Variants in ARL15 observed in about 807,000 individuals in gnomAD.
ARL15 encodes ADP-ribosylation factor-like protein 15.
In ARL15, 19 loss-of-function variants were observed where a neutral mutation model predicts 25.2. The observed-to-expected ratio is 0.75, with a 90% CI of 0.53 to 1.10. The LOEUF is 1.10. ARL15 is among the 50% of genes least tolerant of loss of function. The pLI, the probability that ARL15 is intolerant of heterozygous loss-of-function variation, is 0.00. For synonymous variants in ARL15, 94 were observed against 86.8 expected, an observed-to-expected ratio of 1.08 and a Z score of -0.46; for missense variants, 220 against 246.0, an observed-to-expected ratio of 0.89 and a Z score of 0.71.
chr5:54,031,526 A>C (rs1749982650), intron 4 of ARL15, among the ~76,000 whole-genome samples: 1 of 152,200 alleles, frequency 6.6e-6, no homozygotes, highest in South Asian at 2.1e-4. Context: ...CTGTAGAGGC[A>C]CTACCCTGGA....
chr5:54,071,124 C>G (rs375077463), intron 4 of ARL15, among the ~76,000 whole-genome samples: 1 of 150,982 alleles, frequency 6.6e-6, no homozygotes, highest in Non-Finnish European at 1.5e-5. Context: ...GAGCCATGTT[C>G]GTGCCGCTGC....
intron 1 of ARL15, among the ~76,000 whole-genome samples, chr5:54,246,833 CACACACACACACAG>C (rs1208028709): frequency 8.3e-4 from 112 of 135,162 alleles, no homozygotes; most frequent in African/African-American, 3.0e-3. Context: ...CACACACACA[CACACACACACACAG>C]AGTACATAAA....
intron 4 of ARL15, among the ~76,000 whole-genome samples, chr5:53,956,086 T>C (rs1313567368): frequency 6.6e-6 from 1 of 152,036 alleles, no homozygotes; most frequent in Non-Finnish European, 1.5e-5. Flanking sequence ...CACAGCATGA[T>C]ATACATTCAA....
intron 3 of ARL15, among the ~76,000 whole-genome samples, chr5:54,133,935 A>G (rs1753516089): frequency 6.6e-6 from 1 of 152,224 alleles, no homozygotes; most frequent in Non-Finnish European, 1.5e-5. Context: ...TAAAAAGAGT[A>G]ACTTTGAAAA....
At chr5:54,178,087 C>T (rs552321325) in intron 1 of ARL15, among the ~76,000 whole-genome samples, 59 of 152,248 alleles carry the variant, frequency 3.9e-4, no homozygotes, top group African/African-American at 1.3e-3. Context: ...AAGGGGTGGC[C>T]AGGCACCAAA....
intron 4 of ARL15, chr5:54,048,030 C>T (rs1478451381): frequency 1.3e-5 from 2 of 152,122 alleles, no homozygotes; most frequent in Non-Finnish European, 2.9e-5. Flanking sequence ...AGTTATGTTG[C>T]CCAGGCTAGA....
At chr5:54,262,627 C>G (rs1345623393) in intron 1 of ARL15, among the ~76,000 whole-genome samples, 1 of 152,100 alleles carries the variant, frequency 6.6e-6, no homozygotes, top group African/African-American at 2.4e-5. Flanking sequence ...TGTCTCCTAT[C>G]TCTATTAAGT....
intron 1 of ARL15, among the ~76,000 whole-genome samples, chr5:54,275,697 T>C (rs1757910641): frequency 6.6e-6 from 1 of 151,626 alleles, no homozygotes; most frequent in African/African-American, 2.4e-5. Flanking sequence ...ATTTATTTTT[T>C]TTTTTGAGAC....
chr5:54,266,637 A>G (rs1757633944), intron 1 of ARL15, among the ~76,000 whole-genome samples: 1 of 152,250 alleles, frequency 6.6e-6, no homozygotes, highest in South Asian at 2.1e-4. Context: ...TTCACTGAGC[A>G]AAAAGAAAAC....
intron 2 of ARL15, among the ~76,000 whole-genome samples, chr5:54,170,277 C>G (rs2112396750): frequency 6.6e-6 from 1 of 152,262 alleles, no homozygotes; most frequent in Admixed American, 6.5e-5. Context: ...CCAAGGCCTT[C>G]ATCATCTCAG....
At chr5:54,009,939 G>A (rs1164617924) in intron 4 of ARL15, among the ~76,000 whole-genome samples, 1 of 151,722 alleles carries the variant, frequency 6.6e-6, no homozygotes, top group African/African-American at 2.4e-5. Context: ...TGAGGTGAGA[G>A]AAAGGGAGGA....
intron 4 of ARL15, among the ~76,000 whole-genome samples, chr5:53,919,219 G>A (rs555211202): frequency 3.3e-5 from 5 of 152,312 alleles, no homozygotes; most frequent in African/African-American, 1.2e-4. Flanking sequence ...GTAAGTCTAC[G>A]AGGTGTGTGC....
intron 1 of ARL15, among the ~76,000 whole-genome samples, chr5:54,211,293 G>A (rs1756034722): frequency 6.6e-6 from 1 of 152,044 alleles, no homozygotes; most frequent in African/African-American, 2.4e-5. Flanking sequence ...CAGAATACAA[G>A]GAGCTGTAGA....
At chr5:54,113,066 C>T in intron 4 of ARL15, 136 bp downstream of exon 4, 2 of 830,558 alleles carry the variant, frequency 2.4e-6, no homozygotes, top group South Asian at 3.6e-5. Context: ...CTTTCTGCTT[C>T]CTATGAAAAC....
chr5:54,226,697 GA>G (rs1362459598), intron 1 of ARL15, among the ~76,000 whole-genome samples: 1 of 152,154 alleles, frequency 6.6e-6, no homozygotes, highest in Non-Finnish European at 1.5e-5. Flanking sequence ...ATCCACAGCA[GA>G]AAAAGCCATT....
At chr5:54,168,592 C>T (rs1345181950) in intron 2 of ARL15, among the ~76,000 whole-genome samples, 1 of 152,062 alleles carries the variant, frequency 6.6e-6, no homozygotes, top group African/African-American at 2.4e-5. Flanking sequence ...TTCTCTAAGT[C>T]TCTAGCCTTA....
intron 4 of ARL15, among the ~76,000 whole-genome samples, chr5:54,069,577 A>AC (rs1007064246): frequency 6.7e-6 from 1 of 148,948 alleles, no homozygotes; most frequent in African/African-American, 2.4e-5. Context: ...AAAAAAAAAA[A>AC]AAAAAAACCA....
At chr5:54,261,277 G>T (rs1462138897) in intron 1 of ARL15, among the ~76,000 whole-genome samples, 1 of 152,180 alleles carries the variant, frequency 6.6e-6, no homozygotes, top group Non-Finnish European at 1.5e-5. Context: ...ACAGACCACA[G>T]TTTGTTTTTA....
At chr5:54,278,020 C>T (rs1418049144) in intron 1 of ARL15, among the ~76,000 whole-genome samples, 2 of 152,118 alleles carry the variant, frequency 1.3e-5, no homozygotes, top group Non-Finnish European at 2.9e-5. Context: ...TCATCTGGGC[C>T]GTTCAATGTT....
Sources: gnomAD v4.1 joint callset for allele counts (sites outside exome capture counted in the v4.1 genomes callset) on GRCh38, gnomAD v4.1.1 for gene constraint, MANE v1.5 for transcripts, NCBI Gene and HGNC (gene_info 2026-07-23, HGNC 2026-07-21) for gene names.